The following FNIP2 variants were observed in gnomAD, a reference collection of about 807,000 sequenced individuals.
The protein encoded by FNIP2 is folliculin interacting protein 2.
A neutral mutation model predicts 108.7 loss-of-function variants in FNIP2; 32 were observed. The observed-to-expected ratio is 0.29, with a 90% confidence interval of 0.22 to 0.40. The LOEUF (loss-of-function observed/expected upper bound fraction) is 0.40. FNIP2 is among the 10% of genes least tolerant of loss of function. The pLI, the probability that FNIP2 is intolerant of heterozygous loss-of-function variation, is 1.00. For missense variants in FNIP2, 1,202 were observed against 1,381.6 expected (o/e 0.87, Z 2.06); for synonymous variants, 480 against 496.7 (o/e 0.97, Z 0.45).
intron 14 of FNIP2, among the ~76,000 whole-genome samples, chr4:158,885,879 C>G (rs939825150): frequency 6.6e-6 from 1 of 152,212 alleles, no homozygotes; most frequent in Non-Finnish European, 1.5e-5. Flanking sequence ...ATCAGAACCA[C>G]AGCTCTTGCG....
At chr4:158,821,415 C>T (rs1226043985) in intron 1 of FNIP2, among the ~76,000 whole-genome samples, 3 of 152,182 alleles carry the variant, frequency 2.0e-5, no homozygotes, top group Non-Finnish European at 4.4e-5. Flanking sequence ...TGAATCATGC[C>T]GAGTGGCCCC....
intron 1 of FNIP2, among the ~76,000 whole-genome samples, chr4:158,814,215 T>C (rs1404783448): frequency 1.3e-5 from 2 of 152,208 alleles, no homozygotes; most frequent in Non-Finnish European, 2.9e-5. Flanking sequence ...TTATCCTAAC[T>C]TGTTTGCTAC....
At chr4:158,871,071 G>A (rs2060709727) in intron 14 of FNIP2, among the ~76,000 whole-genome samples, 1 of 152,232 alleles carries the variant, frequency 6.6e-6, no homozygotes, top group Non-Finnish European at 1.5e-5. Flanking sequence ...GCTTAAACAA[G>A]TTCCTAAAAG....
At chr4:158,879,662 C>T (rs1781475213) in intron 14 of FNIP2, among the ~76,000 whole-genome samples, 1 of 150,282 alleles carries the variant, frequency 6.7e-6, no homozygotes, top group Admixed American at 6.6e-5. Context: ...AGGCAACCTA[C>T]AGAATGGGAG....
chr4:158,875,358 G>A (rs938886622), intron 14 of FNIP2, among the ~76,000 whole-genome samples: 7 of 151,446 alleles, frequency 4.6e-5, no homozygotes, highest in Admixed American at 1.3e-4. Flanking sequence ...TATGCTCCAG[G>A]GCTTCAAGCA....
chr4:158,779,018 A>G (rs1272878990), intron 1 of FNIP2, among the ~76,000 whole-genome samples: 1 of 152,214 alleles, frequency 6.6e-6, no homozygotes, highest in Non-Finnish European at 1.5e-5. Context: ...GATTTAAAGT[A>G]CCCTGAAGAA....
chr4:158,893,722 A>G (rs755504427), intron 15 of FNIP2: 14 of 1,574,538 alleles, frequency 8.9e-6, no homozygotes, highest in Non-Finnish European at 8.7e-7. Flanking sequence ...CCTTTTCTGT[A>G]AGAGAAGTAA....
chr4:158,831,951 C>T lies in FNIP2; in HGVS notation c.472C>T (p.His158Tyr). The T allele has an allele frequency of 6.2e-7, 1 of 1,609,904 alleles. No individual in the cohort carries two copies. The highest frequency in any genetic ancestry group is 8.5e-7 in the Non-Finnish European group (1 of 1,177,380). ...TTACAAAGGCTCCACCTTAAAGATA[C>T]ACTACATACGGTGAGTCTGGGCTTC... ...MSYKGSTLKI[H>Y]YIRSPPQLMI... The change falls in exon 4 of 17, where the codon CAC (histidine) becomes TAC (tyrosine). Residue 158 changes from histidine to tyrosine, a missense_variant. This residue lies in a region of FNIP2 where 878 missense variants were observed against 990.3 expected (regional missense o/e 0.89). Transcript: ENST00000264433.
At chr4:158,842,044 T>G (rs571147497) in intron 7 of FNIP2, among the ~76,000 whole-genome samples, 14 of 152,396 alleles carry the variant, frequency 9.2e-5, no homozygotes, top group Non-Finnish European at 1.9e-4. Flanking sequence ...TGCCTTGTCT[T>G]TATATATGTG....
intron 1 of FNIP2, among the ~76,000 whole-genome samples, chr4:158,787,560 T>A (rs1239190886): frequency 6.6e-6 from 1 of 152,168 alleles, no homozygotes; most frequent in Non-Finnish European, 1.5e-5. Context: ...ACGCAGACCT[T>A]TTGATTCCTG....
intron 1 of FNIP2, among the ~76,000 whole-genome samples, chr4:158,819,919 A>T (rs1777785321): frequency 6.6e-6 from 1 of 152,266 alleles, no homozygotes; most frequent in South Asian, 2.1e-4. Flanking sequence ...GGCAGAGAAA[A>T]AAGAATATAG....
In FNIP2 at chr4:158,859,178, A is replaced by G; in HGVS notation, c.979A>G (p.Arg327Gly). The change falls in exon 9 of 17, where the codon AGG becomes GGG. Residue 327 changes from arginine (R) to glycine (G), a missense_variant. By Grantham distance (125) the Arg-to-Gly change is moderately radical (BLOSUM62 -2). Transcript: ENST00000264433. ...FSLCEKEEAQ[R>G]NFQDFFFSHF... ...CCTATGTGAGAAAGAAGAAGCACAA[A>G]GGAATTTCCAGGACTTCTTCTTTTC... 1 of 1,613,786 alleles carries G rather than the reference A, an allele frequency of 6.2e-7. No individual in the cohort carries two copies. The highest frequency in any genetic ancestry group is 8.5e-7 in the Non-Finnish European group (1 of 1,179,776).
intron 1 of FNIP2, among the ~76,000 whole-genome samples, chr4:158,804,230 C>T (rs568780233): frequency 6.6e-6 from 1 of 152,120 alleles, no homozygotes; most frequent in Admixed American, 6.5e-5. Flanking sequence ...GTGGGAGCCA[C>T]CGCACCTGGC....
At chr4:158,804,393 C>T (rs1047194757) in intron 1 of FNIP2, among the ~76,000 whole-genome samples, 2 of 149,274 alleles carry the variant, frequency 1.3e-5, no homozygotes, top group African/African-American at 2.5e-5. Context: ...TAGTTAGGAT[C>T]GTAAGAGATG....
intron 1 of FNIP2, among the ~76,000 whole-genome samples, chr4:158,824,812 A>G (rs1431355279): frequency 6.6e-6 from 1 of 151,982 alleles, no homozygotes; most frequent in African/African-American, 2.4e-5. Flanking sequence ...TCTCCAGTGC[A>G]GCAGTCTTAC....
chr4:158,867,931 A>G (rs985519829), intron 12 of FNIP2, among the ~76,000 whole-genome samples, 171 bp from the exon 13 acceptor site: 8 of 152,236 alleles, frequency 5.3e-5, no homozygotes, highest in African/African-American at 1.9e-4. Context: ...TGACTCACTT[A>G]CAGTGGCAAA....
intron 14 of FNIP2, among the ~76,000 whole-genome samples, chr4:158,887,750 A>AAC (rs1295131869): frequency 1.3e-5 from 2 of 151,326 alleles, no homozygotes; most frequent in Admixed American, 6.6e-5. Context: ...AAAAAAAAAA[A>AAC]AAAAAAACCC....
At chr4:158,874,084 C>T (rs1010616113) in intron 14 of FNIP2, among the ~76,000 whole-genome samples, 7 of 152,154 alleles carry the variant, frequency 4.6e-5, no homozygotes, top group African/African-American at 1.7e-4. Context: ...AGTTTGAGTC[C>T]TGGTATTACC....
chr4:158,813,710 C>T (rs745741247), intron 1 of FNIP2, among the ~76,000 whole-genome samples: 2 of 152,146 alleles, frequency 1.3e-5, no homozygotes, highest in African/African-American at 4.8e-5. Context: ...TGATTTCTTT[C>T]GTAGACCACG....
Sources: gnomAD v4.1 joint callset for allele counts (sites outside exome capture counted in the v4.1 genomes callset) on GRCh38, gnomAD v4.1.1 for gene constraint, gnomAD v4.1.1 regional missense constraint, MANE v1.5 for transcripts, NCBI Gene and HGNC (gene_info 2026-07-23, HGNC 2026-07-21) for gene names.